The following FBXO34 variants were observed in gnomAD, a reference collection of about 807,000 sequenced individuals.
FBXO34 encodes the protein F-box only protein 34.
FBXO34 carries 12 observed loss-of-function variants against 24.5 expected under a neutral mutation model. The ratio of observed to expected loss-of-function variants is 0.49; its 90% CI spans 0.31 to 0.79. The LOEUF is 0.79. Among genes scored for constraint, FBXO34 ranks in the 30% least tolerant of loss-of-function variants. The pLI is 0.04. For missense variants in FBXO34, 823 were observed against 857.7 expected, an observed-to-expected ratio of 0.96 and a Z score of 0.51; for synonymous variants, 320 against 311.9, an observed-to-expected ratio of 1.03 and a Z score of -0.27.
At chr14:55,272,007 CCTT>C (rs1318111474) in intron 1 of FBXO34, 2 of 152,290 alleles carry the variant, frequency 1.3e-5, no homozygotes, top group African/African-American at 4.8e-5. Flanking sequence ...TTGTCCTTAA[CCTT>C]CTTCAACGAC....
chr14:55,278,715 G>T (rs909054259), intron 1 of FBXO34, among the ~76,000 whole-genome samples: 2 of 152,136 alleles, frequency 1.3e-5, no homozygotes, highest in African/African-American at 4.8e-5. Context: ...TGAGACAGGT[G>T]CTTGATCTGT....
At chr14:55,394,551 C>T in the FBXO34 span, among the ~76,000 whole-genome samples, 2 of 152,194 alleles carry the variant, frequency 1.3e-5, no homozygotes, top group African/African-American at 4.8e-5. Flanking sequence ...CAATTCACAA[C>T]TGAATAGCAT....
At chr14:55,277,195 T>G (rs1881372087) in intron 1 of FBXO34, among the ~76,000 whole-genome samples, 1 of 152,268 alleles carries the variant, frequency 6.6e-6, no homozygotes, top group South Asian at 2.1e-4. Flanking sequence ...ATATTTCTAC[T>G]AGTTCCTTCT....
chr14:55,422,288 A>G, the FBXO34 span, among the ~76,000 whole-genome samples: 1 of 152,144 alleles, frequency 6.6e-6, no homozygotes, highest in African/African-American at 2.4e-5. Context: ...AAATGTATAA[A>G]AAGACAAAAG....
the FBXO34 span, among the ~76,000 whole-genome samples, chr14:55,400,847 T>C: frequency 6.6e-6 from 1 of 151,840 alleles, no homozygotes; most frequent in African/African-American, 2.4e-5. Flanking sequence ...GAGGTTGCAG[T>C]GAGCTGAGAT....
At chr14:55,286,920 T>G (rs1881782431) in intron 1 of FBXO34, among the ~76,000 whole-genome samples, 2 of 150,892 alleles carry the variant, frequency 1.3e-5, no homozygotes, top group Admixed American at 1.3e-4. Context: ...TTTTTTTTTT[T>G]TTTTTTGAGA....
chr14:55,286,827 T>C (rs1160462233), intron 1 of FBXO34, among the ~76,000 whole-genome samples: 1 of 152,080 alleles, frequency 6.6e-6, no homozygotes, highest in Admixed American at 6.6e-5. Flanking sequence ...TTTGAATTTG[T>C]AATATTCACA....
At chr14:55,436,736 C>G in the FBXO34 span, 1 of 1,614,130 alleles carries the variant, frequency 6.2e-7, no homozygotes, top group Non-Finnish European at 8.5e-7. Context: ...CTGTTTAAGC[C>G]CAGCCCAACG....
rs1219391626 is a variant in FBXO34 at position 55,352,625 on chromosome 14, AAGAATCT to A, written c.*100_*106del. On this transcript the variant is annotated 3_prime_UTR_variant, in exon 2 of 2. Coordinates refer to ENST00000313833, the MANE Select transcript of FBXO34 (RefSeq NM_017943.4). Reference sequence around the variant, plus strand: ...GTAGCCCCCTGAGTCATCACTCTAGAAGAATCTGTACATCATCAGGACTGCATTGCTC... The same window carrying A: ...GTAGCCCCCTGAGTCATCACTCTAGAGTACATCATCAGGACTGCATTGCTC... 1 of 972,170 alleles carries A rather than the reference AAGAATCT, an allele frequency of 1.0e-6. No individual in the cohort carries two copies. Among genetic ancestry groups the A allele is most frequent in the Non-Finnish European group, 1.5e-6 (1 of 663,136 alleles). 60.2% of individuals were successfully genotyped at this position (972,170 alleles called of 1,614,324 possible). A position where few individuals can be genotyped will look rare whatever the true frequency, so the allele number is the denominator to read the frequency against.
downstream of FBXO34, among the ~76,000 whole-genome samples, chr14:55,355,469 C>T (rs1050467955): frequency 2.6e-5 from 4 of 152,290 alleles, no homozygotes; most frequent in South Asian, 2.1e-4. Context: ...GGTTCTGCAT[C>T]GCAGATTCAA....
the FBXO34 span, chr14:55,378,062 G>A: frequency 1.2e-5 from 19 of 1,612,226 alleles, no homozygotes; most frequent in South Asian, 3.3e-5. Flanking sequence ...TTAGATTTTC[G>A]CCACAAAATT....
At chr14:55,399,632 C>T in the FBXO34 span, among the ~76,000 whole-genome samples, 1 of 152,262 alleles carries the variant, frequency 6.6e-6, no homozygotes, top group South Asian at 2.1e-4. Flanking sequence ...CTTCTGTTTC[C>T]TTGTATCAAA....
rs1373995706 is a variant in FBXO34 at position 55,331,837 on chromosome 14, A to AT, written c.-10-18544_-10-18543insT. 1.0e-4 allele frequency among the ~76,000 whole-genome samples: 5 copies of AT among 50,058 alleles called. 2 individuals are homozygous for AT. The highest frequency in any genetic ancestry group is 1.3e-3 in the South Asian group (2 of 1,548). 32.8% of individuals were successfully genotyped at this position (50,058 alleles called of 152,430 possible). ...ATACACCACCGGGGTGTATATATAA[A>AT]AATATATATATACACCACCGGGGTG... On this transcript the variant is annotated intron_variant, in intron 1 of 1. Transcript: ENST00000313833.
chr14:55,287,109 T>G (rs916653534), intron 1 of FBXO34, among the ~76,000 whole-genome samples: 2 of 152,118 alleles, frequency 1.3e-5, no homozygotes, highest in African/African-American at 4.8e-5. Context: ...TTTCACCTTG[T>G]TGGCCAGGCT....
At chr14:55,429,627 A>G in the FBXO34 span, among the ~76,000 whole-genome samples, 1 of 152,026 alleles carries the variant, frequency 6.6e-6, no homozygotes, top group Non-Finnish European at 1.5e-5. Context: ...TTAGCTGGAC[A>G]TGGTGGCGGG....
At chr14:55,374,059 T>G (rs1297735434), downstream of FBXO34, among the ~76,000 whole-genome samples, 1 of 152,216 alleles carries the variant, frequency 6.6e-6, no homozygotes, top group Non-Finnish European at 1.5e-5. Flanking sequence ...TACAGAAAAC[T>G]TCAGACCCGC....
At chr14:55,363,783 T>A (rs1485394204), downstream of FBXO34, among the ~76,000 whole-genome samples, 3 of 152,170 alleles carry the variant, frequency 2.0e-5, no homozygotes, top group East Asian at 1.9e-4. Flanking sequence ...GTAGCTATTG[T>A]TAATGTGTTT....
At chr14:55,437,156 C>G in the FBXO34 span, 1 of 717,150 alleles carries the variant, frequency 1.4e-6, no homozygotes, top group East Asian at 2.6e-5. Flanking sequence ...TATTCATGCA[C>G]TGCTTTTTTC....
chr14:55,358,420 G>A (rs1317975883), downstream of FBXO34, among the ~76,000 whole-genome samples: 1 of 152,148 alleles, frequency 6.6e-6, no homozygotes, highest in Non-Finnish European at 1.5e-5. Context: ...AACACAGAGA[G>A]CCCTCCTGCA....
Sources: gnomAD v4.1 joint callset for allele counts (sites outside exome capture counted in the v4.1 genomes callset) on GRCh38, gnomAD v4.1.1 for gene constraint, MANE v1.5 for transcripts, NCBI Gene and HGNC (gene_info 2026-07-23, HGNC 2026-07-21) for gene names.